Variants in SREBF1 observed in about 807,000 individuals in gnomAD.
The protein encoded by SREBF1 is sterol regulatory element-binding protein 1.
SREBF1 carries 45 observed loss-of-function variants against 100.1 expected under a neutral mutation model. The ratio of observed to expected loss-of-function variants is 0.45; its 90% CI spans 0.35 to 0.58. The LOEUF is 0.58. Among genes scored for constraint, SREBF1 ranks in the 20% least tolerant of loss-of-function variants. SREBF1 has a pLI of 0.00. For synonymous variants in SREBF1, 657 were observed against 681.8 expected (o/e 0.96, Z 0.57); for missense variants, 1,324 against 1,539.4 (o/e 0.86, Z 2.34).
Position 17,812,767 on chromosome 17 carries a change from C to T in SREBF1, c.3299G>A (p.Gly1100Asp). 1 of 1,535,230 alleles carries T rather than the reference C, an allele frequency of 6.5e-7. No individual in the cohort carries two copies. The highest frequency in any genetic ancestry group is 2.4e-5 in the East Asian group (1 of 40,818). Residue 1100 changes from glycine to aspartate, a missense_variant, in exon 19 of 19, where the codon GGC becomes GAC. Coordinates refer to ENST00000261646, the MANE Select transcript of SREBF1 (RefSeq NM_004176.5). ...LLLASCYLPP[G>D]FLSAPGQRVG... ...GCGCTGCCCGGGCGCCGACAGGAAG[C>T]CGGGGGGCAGGTAGCAGGAGGCCAG...
chr17:17,829,191 T>TAAAAAAA (rs1253225038), intron 1 of SREBF1, among the ~76,000 whole-genome samples: 5 of 44,942 alleles, frequency 1.1e-4, no homozygotes, highest in African/African-American at 4.8e-4. Flanking sequence ...GACTCCATCT[T>TAAAAAAA]AAAAAAAAAA....
At position 17,812,866 on chromosome 17, in the gene SREBF1, A is replaced by C. The variant is rs1308549014; in HGVS notation, c.3215-15T>G. On this transcript the variant is annotated splice_polypyrimidine_tract_variant and intron_variant, in intron 18 of 18. Transcript: ENST00000261646. ...CGCCACCGCGCCTGCGCACACGAGG[A>C]TGTGTCAGGGATGGGTCTCAAGCTG... The C allele has an allele frequency of 3.4e-6, 5 of 1,472,726 alleles. No individual in the cohort carries two copies. The highest frequency in any genetic ancestry group is 4.5e-6 in the Non-Finnish European group (5 of 1,120,762). 91.2% of individuals were successfully genotyped at this position (1,472,726 alleles called of 1,614,324 possible). A position where few individuals can be genotyped will look rare whatever the true frequency, so the allele number is the denominator to read the frequency against.
Position 17,811,620 on chromosome 17 carries a change from G to A in SREBF1, c.*1002C>T. On this transcript the variant is annotated 3_prime_UTR_variant, in exon 19 of 19. Coordinates refer to ENST00000261646, the MANE Select transcript of SREBF1 (RefSeq NM_004176.5). ...CCCGCCCCTGTGCCCCCTCTCCAGT[G>A]TGGCGGCAGGTCGGGAGGGAGGAGG... The A allele has an allele frequency of 2.3e-6, 1 of 428,640 alleles. No homozygotes were observed. The highest frequency in any genetic ancestry group is 4.6e-6 in the Non-Finnish European group (1 of 217,536). 26.6% of individuals were successfully genotyped at this position (428,640 alleles called of 1,614,324 possible).
chr17:17,836,850 GC>G lies in SREBF1; in HGVS notation c.-34del, dbSNP rs60282872. ...CCGCCTCCTCCGGGAGGCCCGCCGG[GC>G]CCGCCGCCTCGTACGGCCCTTCCTA... On this transcript the variant is annotated 5_prime_UTR_variant, in exon 1 of 19. Transcript: ENST00000261646. The G allele has an allele frequency of 0.57, 863,199 of 1,511,942 alleles. 265,185 individuals are homozygous for G. Among genetic ancestry groups the G allele is most frequent in the Non-Finnish European group, 0.64 (730,847 of 1,136,088 alleles). The allele number at this position is 1,511,942 out of a possible 1,614,324, so 93.7% of individuals were successfully genotyped here.
chr17:17,815,312 C>A lies in SREBF1; in HGVS notation c.2401G>T (p.Val801Leu), dbSNP rs369513276. The change falls in exon 13 of 19, where the codon GTG becomes TTG. Residue 801 changes from valine to leucine, a missense_variant. Transcript: ENST00000261646. ...AGATGTTCCCGGAATAGCTGAGTCACCTGGGCCAGGGGGTCCACTGTGGAG... is the reference window on the plus strand; with the variant it reads ...AGATGTTCCCGGAATAGCTGAGTCAACTGGGCCAGGGGGTCCACTGTGGAG... ...AGNPVDPLAQ[V>L]TQLFREHLLE... The A allele has an allele frequency of 6.6e-5, 107 of 1,613,446 alleles. No homozygotes were observed. The highest frequency in any genetic ancestry group is 8.6e-5 in the Non-Finnish European group (101 of 1,179,962).
chr17:17,813,429 T>TG lies in SREBF1; in HGVS notation c.3152dup (p.Arg1052ThrfsTer63). The TG allele has an allele frequency of 6.2e-7, 1 of 1,600,702 alleles. No homozygotes were observed. Among genetic ancestry groups the TG allele is most frequent in the Non-Finnish European group, 8.5e-7 (1 of 1,174,940 alleles). On this transcript the variant is annotated frameshift_variant, in exon 18 of 19. Coordinates refer to ENST00000261646, the MANE Select transcript of SREBF1 (RefSeq NM_004176.5). LOFTEE classifies it high-confidence loss of function. ...TGCGGTCGAGGAGCTGGTGTGTCCG[T>TG]GTGGGGCTGGCCCCCGCCATCAGCC...
chr17:17,836,123 G>T (rs930035824), intron 1 of SREBF1, among the ~76,000 whole-genome samples: 3 of 152,238 alleles, frequency 2.0e-5, no homozygotes, highest in Non-Finnish European at 4.4e-5. Flanking sequence ...TAAAAGAGGG[G>T]GTACCCAGGT....
intron 6 of SREBF1, 77 bp downstream of exon 6, chr17:17,818,183 A>C: frequency 4.0e-6 from 3 of 757,780 alleles, no homozygotes; most frequent in Non-Finnish European, 5.4e-6. Flanking sequence ...GGGTGGGGCT[A>C]GGGATGGGGT....
At chr17:17,830,694 C>T (rs2034805040) in intron 1 of SREBF1, among the ~76,000 whole-genome samples, 2 of 152,194 alleles carry the variant, frequency 1.3e-5, no homozygotes, top group African/African-American at 4.8e-5. Flanking sequence ...GGATGGACCC[C>T]CAGCCCCGTC....
chr17:17,825,906 G>A (rs532898327), intron 1 of SREBF1, among the ~76,000 whole-genome samples: 3 of 152,264 alleles, frequency 2.0e-5, no homozygotes, highest in South Asian at 2.1e-4. Flanking sequence ...ATGAGTCACC[G>A]TGCCAATTTC....
chr17:17,813,813 T>C (rs1288716851), intron 16 of SREBF1, 44 bp from the exon 17 acceptor site: 3 of 1,526,714 alleles, frequency 2.0e-6, no homozygotes, highest in Non-Finnish European at 2.6e-6. Flanking sequence ...GCTCCAGCTC[T>C]GGGAGGGGCA....
chr17:17,815,440 G>A, intron 12 of SREBF1, 111 bp from the exon 13 acceptor site: 1 of 841,064 alleles, frequency 1.2e-6, no homozygotes, highest in Non-Finnish European at 2.0e-6. Context: ...ACTGGGAAGT[G>A]CCGGCATGCC....
At chr17:17,834,891 G>A (rs2035136489) in intron 1 of SREBF1, among the ~76,000 whole-genome samples, 2 of 152,196 alleles carry the variant, frequency 1.3e-5, no homozygotes, top group Non-Finnish European at 2.9e-5. Context: ...GCTGGCGCCT[G>A]TAGTCCCAGC....
At chr17:17,827,796 G>A (rs1223542689) in intron 1 of SREBF1, among the ~76,000 whole-genome samples, 1 of 152,200 alleles carries the variant, frequency 6.6e-6, no homozygotes, top group Non-Finnish European at 1.5e-5. Context: ...CAGCCTGTGG[G>A]GGACAGCAGT....
intron 17 of SREBF1, 44 bp downstream of exon 17, chr17:17,813,525 C>G: frequency 6.3e-7 from 1 of 1,589,960 alleles, no homozygotes; most frequent in South Asian, 1.1e-5. Context: ...ATCTCCACCA[C>G]TGCCTGACTC....
At position 17,816,530 on chromosome 17, in the gene SREBF1, C is replaced by T. The variant is rs374456007; in HGVS notation, c.1974G>A (p.Leu658=). 5.4e-5 allele frequency: 86 copies of T among 1,603,148 alleles called. 1 individual carries two copies. The highest frequency in any genetic ancestry group is 3.6e-4 in the East Asian group (16 of 44,444). Residue 658 remains leucine, a synonymous_variant, in exon 10 of 19, where the codon CTG becomes CTA. Coordinates refer to ENST00000261646, the MANE Select transcript of SREBF1 (RefSeq NM_004176.5). ...GGGCGCTGGCGCTAGCATCCACTCG[C>T]AGAGCACAGTCCTGCTGCAGGCCCC... The part of the protein sequence containing the change: ...RAGGLQQDCA[L]RVDASASARD...
chr17:17,836,294 G>T (rs368835577), intron 1 of SREBF1, among the ~76,000 whole-genome samples: 2 of 152,268 alleles, frequency 1.3e-5, no homozygotes. Context: ...CTCCGACGCC[G>T]AGCTGAACTC....
At position 17,811,931 on chromosome 17, in the gene SREBF1, A is replaced by C; in HGVS notation, c.*691T>G. On this transcript the variant is annotated 3_prime_UTR_variant, in exon 19 of 19. Coordinates refer to ENST00000261646, the MANE Select transcript of SREBF1 (RefSeq NM_004176.5). The stretch of plus-strand genomic sequence containing the variant: ...GCCAGCCCTCCCCACTCCTCCCACT[A>C]ACAAACAAACATCGGGAAGAGCTAA... The C allele has an allele frequency of 2.2e-6, 1 of 446,590 alleles. No homozygotes were observed. The highest frequency in any genetic ancestry group is 1.6e-5 in the South Asian group (1 of 62,940). The allele number at this position is 446,590 out of a possible 1,614,324, so 27.7% of individuals were successfully genotyped here.
chr17:17,817,620 G>A lies in SREBF1; in HGVS notation c.1404+76C>T. The A allele has an allele frequency of 6.3e-7, 1 of 1,586,846 alleles. No homozygotes were observed. The highest frequency in any genetic ancestry group is 8.6e-7 in the Non-Finnish European group (1 of 1,159,896). ...TGAAATGGGAGGTAGGATCTGTTAG[G>A]GTCTTCCCGGCCCTGTCATGAGGCT... On this transcript the variant is annotated intron_variant, in intron 7 of 18. Coordinates refer to ENST00000261646, the MANE Select transcript of SREBF1 (RefSeq NM_004176.5). This position sits in a 1 kb window ranked among gnomAD's most constrained non-coding sequence, Gnocchi z 6.6.
Sources: gnomAD v4.1 joint callset for allele counts (sites outside exome capture counted in the v4.1 genomes callset) on GRCh38, gnomAD v4.1.1 for gene constraint, Gnocchi (gnomAD v3.1) non-coding constraint, MANE v1.5 for transcripts, NCBI Gene and HGNC (gene_info 2026-07-23, HGNC 2026-07-21) for gene names.